Variants in XIRP2 observed in about 807,000 individuals in gnomAD.
XIRP2 encodes xin actin binding repeat containing 2.
In XIRP2, 236 loss-of-function variants were observed where a neutral mutation model predicts 277.0. That is an observed-to-expected ratio of 0.85 (90% CI 0.77 to 0.95). The LOEUF (loss-of-function observed/expected upper bound fraction) is 0.95, where lower values mean the gene tolerates loss of function less well. XIRP2 is among the 40% of genes least tolerant of loss of function. XIRP2 has a pLI of 0.00. For missense variants in XIRP2, 4,640 were observed against 4,157.5 expected (o/e 1.12, Z -3.19); for synonymous variants, 1,490 against 1,416.5 (o/e 1.05, Z -1.17).
intron 2 of XIRP2, among the ~76,000 whole-genome samples, chr2:166,994,511 T>G (rs1224017280): frequency 6.8e-6 from 1 of 146,656 alleles, no homozygotes; most frequent in African/African-American, 2.5e-5. Flanking sequence ...AAAAAAAAAT[T>G]TGAAGGCTTA....
intron 2 of XIRP2, among the ~76,000 whole-genome samples, chr2:167,048,155 C>T (rs1435903908): frequency 6.6e-6 from 1 of 151,954 alleles, no homozygotes; most frequent in Non-Finnish European, 1.5e-5. Flanking sequence ...GTAATAGATG[C>T]ATCTACTGTG....
In XIRP2 at chr2:167,245,640, C is replaced by T; in HGVS notation, c.4248C>T (p.Gly1416=). Residue 1416 remains glycine (G), a synonymous_variant, in exon 9 of 11, where the codon GGC becomes GGT. Transcript: ENST00000409195. ...IMPSIDHIQG[G]NVKTSRQFFE... ...CCAGTATTGACCATATACAAGGTGG[C>T]AATGTAAAGACAAGTAGACAATTCT... The T allele has an allele frequency of 1.2e-6, 2 of 1,613,446 alleles. No homozygotes were observed. Among genetic ancestry groups the T allele is most frequent in the Non-Finnish European group, 1.7e-6 (2 of 1,179,678 alleles).
intron 3 of XIRP2, among the ~76,000 whole-genome samples, chr2:167,159,014 T>C (rs1692285658): frequency 6.6e-6 from 1 of 152,090 alleles, no homozygotes; most frequent in Non-Finnish European, 1.5e-5. Context: ...AATCTGGAAA[T>C]AGGCCCCTTC....
intron 2 of XIRP2, among the ~76,000 whole-genome samples, chr2:167,036,975 A>G (rs1688524859): frequency 6.6e-6 from 1 of 152,128 alleles, no homozygotes; most frequent in African/African-American, 2.4e-5. Flanking sequence ...ACCCTCCGCC[A>G]TGATTCTGAG....
At position 167,024,176 on chromosome 2, in the gene XIRP2, T is replaced by G. The variant is rs554312351; in HGVS notation, c.409-111733T>G. Reference sequence around the variant, plus strand: ...CTTGAAAAGGTCCCTCACGTCCCTTTTAAGTTGGATTCCTAGGTATTTTAT... The same window carrying G: ...CTTGAAAAGGTCCCTCACGTCCCTTGTAAGTTGGATTCCTAGGTATTTTAT... On this transcript the variant is annotated intron_variant, in intron 2 of 10. Coordinates refer to ENST00000409195, the MANE Select transcript of XIRP2 (RefSeq NM_152381.6). Among the ~76,000 whole-genome samples the G allele has an allele frequency of 7.2e-5, 11 of 152,120 alleles. 1 individual carries two copies. In the South Asian group the frequency reaches 1.7e-3, roughly 23 times the overall value.
intron 3 of XIRP2, among the ~76,000 whole-genome samples, chr2:167,144,674 C>A (rs966439095): frequency 5.3e-5 from 8 of 152,094 alleles, no homozygotes; most frequent in African/African-American, 1.9e-4. Context: ...TGATATATCA[C>A]CTCCAAATCT....
intron 5 of XIRP2, among the ~76,000 whole-genome samples, chr2:167,219,453 T>A (rs999016622): frequency 3.3e-5 from 5 of 152,168 alleles, no homozygotes; most frequent in Non-Finnish European, 5.9e-5. Context: ...ATATCAGTAA[T>A]GAATTTATAG....
Position 167,249,443 on chromosome 2 carries a change from C to G in XIRP2, c.8051C>G (p.Thr2684Ser). The G allele has an allele frequency of 6.2e-7, 1 of 1,613,748 alleles. No individual in the cohort carries two copies. Among genetic ancestry groups the G allele is most frequent in the Non-Finnish European group, 8.5e-7 (1 of 1,179,828 alleles). ...EIKQSHQECS[T>S]QQTQQKKYLE... The stretch of plus-strand genomic sequence containing the variant: ...AAACAAAGTCACCAAGAATGTAGTA[C>G]CCAACAAACACAACAGAAGAAGTAT... The change falls in exon 9 of 11, where the codon ACC (threonine) becomes AGC (serine). Residue 2684 changes from threonine (T) to serine (S), a missense_variant. Coordinates refer to ENST00000409195, the MANE Select transcript of XIRP2 (RefSeq NM_152381.6).
intron 2 of XIRP2, among the ~76,000 whole-genome samples, chr2:167,121,968 C>T (rs1227693871): frequency 6.6e-6 from 1 of 152,140 alleles, no homozygotes; most frequent in Non-Finnish European, 1.5e-5. Context: ...CAAATAGCAG[C>T]ATGTTGTATT....
chr2:167,204,914 C>G (rs1360049219), intron 3 of XIRP2, among the ~76,000 whole-genome samples: 1 of 152,084 alleles, frequency 6.6e-6, no homozygotes, highest in African/African-American at 2.4e-5. Context: ...ATATTTAACT[C>G]TTTAGCCATC....
Position 167,136,059 on chromosome 2 carries a change from G to A in XIRP2, c.559G>A (p.Glu187Lys), listed in dbSNP as rs779964122. 1 of 1,599,574 alleles carries A rather than the reference G, an allele frequency of 6.3e-7. No homozygotes were observed. The highest frequency in any genetic ancestry group is 2.3e-5 in the East Asian group (1 of 44,412). ...TGAAAGTGGTCACAGCCGCATCTTT[G>A]AAGGTTAGCATAACATTTTGATATG... ...SPESGHSRIF[E>K]ATAGPNKPES... Residue 187 changes from glutamate to lysine, a missense_variant, in exon 3 of 11, where the codon GAA becomes AAA. By Grantham distance (56) the Glu-to-Lys change is moderately conservative. Transcript: ENST00000409195.
intron 5 of XIRP2, among the ~76,000 whole-genome samples, chr2:167,230,306 A>G (rs951363632): frequency 6.6e-6 from 1 of 152,146 alleles, no homozygotes; most frequent in Non-Finnish European, 1.5e-5. Flanking sequence ...CTTTTACCAT[A>G]AACACTTTGT....
At chr2:166,966,763 T>C (rs1686444149) in intron 2 of XIRP2, among the ~76,000 whole-genome samples, 1 of 152,024 alleles carries the variant, frequency 6.6e-6, no homozygotes, top group African/African-American at 2.4e-5. Context: ...TCTCCTAGTG[T>C]TCTGATGGCA....
rs1559050112 is a variant in XIRP2, at chr2:167,259,081, A to G, written c.*1264A>G. 2 of 1,611,702 alleles carry G rather than the reference A, an allele frequency of 1.2e-6. No individual in the cohort carries two copies. Among genetic ancestry groups the G allele is most frequent in the South Asian group, 1.1e-5 (1 of 90,988 alleles). On this transcript the variant is annotated 3_prime_UTR_variant, in exon 11 of 11. Coordinates refer to ENST00000409195, the MANE Select transcript of XIRP2 (RefSeq NM_152381.6). ...TTTCTAACACCGTGAAAATCACTGC[A>G]TTTTCCAAGAAAAATGAGAACATTT... is the stretch of plus-strand genomic sequence containing the variant.
chr2:167,164,151 T>C (rs1692453457), intron 3 of XIRP2, among the ~76,000 whole-genome samples: 1 of 152,076 alleles, frequency 6.6e-6, no homozygotes, highest in Non-Finnish European at 1.5e-5. Context: ...AGAATTAACT[T>C]GTGAATTGGC....
At chr2:167,160,879 C>T (rs2105340275) in intron 3 of XIRP2, among the ~76,000 whole-genome samples, 1 of 152,342 alleles carries the variant, frequency 6.6e-6, no homozygotes, top group East Asian at 1.9e-4. Context: ...AGGCAAGTTC[C>T]TTCCGCCTGT....
At chr2:167,222,299 A>G (rs1251851634) in intron 5 of XIRP2, among the ~76,000 whole-genome samples, 1 of 152,204 alleles carries the variant, frequency 6.6e-6, no homozygotes, top group Non-Finnish European at 1.5e-5. Context: ...GCTAGCCGGC[A>G]GAGTATGCCT....
chr2:167,088,853 G>A (rs1270176632), intron 2 of XIRP2, among the ~76,000 whole-genome samples: 1 of 152,016 alleles, frequency 6.6e-6, no homozygotes, highest in African/African-American at 2.4e-5. Context: ...CATTCACTAT[G>A]CCCCAAGATA....
In XIRP2 at chr2:167,258,987, T is replaced by A; in HGVS notation, c.*1170T>A. The A allele has an allele frequency of 6.2e-7, 1 of 1,611,678 alleles. No individual in the cohort carries two copies. Among genetic ancestry groups the A allele is most frequent in the Non-Finnish European group, 8.5e-7 (1 of 1,178,774 alleles). On this transcript the variant is annotated 3_prime_UTR_variant, in exon 11 of 11. Transcript: ENST00000409195. The stretch of plus-strand genomic sequence containing the variant: ...ATGGTAAAGGGGGGAAGTTCAATCA[T>A]CTCTCCTGATACAAATCTCTTAAAC...
Sources: allele counts gnomAD v4.1 joint callset (sites outside exome capture counted in the v4.1 genomes callset), GRCh38; gene constraint gnomAD v4.1.1; transcripts MANE v1.5; gene names NCBI Gene and HGNC (gene_info 2026-07-23, HGNC 2026-07-21).